The following LRTM3 variants were observed in gnomAD, a reference collection of about 807,000 sequenced individuals.
LRTM3 encodes the protein leucine-rich repeat transmembrane protein 3.
chr13:102,738,018 C>G, the LRTM3 span: 1 of 1,550,708 alleles, frequency 6.4e-7, no homozygotes, highest in Non-Finnish European at 8.7e-7. Flanking sequence ...TCTTCTCTAT[C>G]AACCTTTTCT....
At chr13:102,741,943 CT>C in the LRTM3 span, 1 of 1,550,466 alleles carries the variant, frequency 6.4e-7, no homozygotes, top group Non-Finnish European at 8.7e-7. Context: ...GTTTTTGTTC[CT>C]TTTCTCTAAT....
chr13:102,748,538 TG>T, the LRTM3 span: 1 of 1,550,814 alleles, frequency 6.4e-7, no homozygotes. Flanking sequence ...TTCTGAACTT[TG>T]TAGGTCCTCC....
the LRTM3 span, among the ~76,000 whole-genome samples, chr13:102,756,673 TAAAA>T: frequency 0.04 from 2,677 of 67,062 alleles, 79 homozygotes; most frequent in South Asian, 0.049. Context: ...AAACTCTGTC[TAAAA>T]AAAAAAAAAA....
chr13:102,747,336 C>A, the LRTM3 span: 1 of 1,550,034 alleles, frequency 6.5e-7, no homozygotes, highest in African/African-American at 1.4e-5. Context: ...ATTATAATTT[C>A]AAAATTGCCT....
the LRTM3 span, among the ~76,000 whole-genome samples, chr13:102,755,890 T>TAC: frequency 7.1e-6 from 1 of 140,356 alleles, no homozygotes; most frequent in African/African-American, 2.6e-5. Flanking sequence ...TATATATGTA[T>TAC]ACACATATAT....
chr13:102,741,533 TC>T, the LRTM3 span: 3 of 1,550,130 alleles, frequency 1.9e-6, no homozygotes, highest in Non-Finnish European at 2.6e-6. Context: ...GTACACATCT[TC>T]TTCCTCAGTT....
chr13:102,740,701 T>A, the LRTM3 span: 12 of 1,548,090 alleles, frequency 7.8e-6, no homozygotes, highest in Non-Finnish European at 1.0e-5. Flanking sequence ...ATAGATCTGT[T>A]TTGGAGTGAG....
chr13:102,745,759 G>C, the LRTM3 span: 1 of 1,551,110 alleles, frequency 6.4e-7, no homozygotes. Context: ...CATAAAATAT[G>C]ATTTCATCAA....
chr13:102,730,856 A>G, the LRTM3 span: 6 of 1,551,496 alleles, frequency 3.9e-6, no homozygotes, highest in South Asian at 4.8e-5. Context: ...ATCAAGATCT[A>G]TTTGATGGAG....
chr13:102,737,718 C>G, the LRTM3 span: 3 of 1,550,430 alleles, frequency 1.9e-6, no homozygotes, highest in South Asian at 3.6e-5. Context: ...TTTTGTACTT[C>G]ACTTGCGCTA....
chr13:102,731,984 A>G, the LRTM3 span: 1 of 1,551,102 alleles, frequency 6.4e-7, no homozygotes, highest in South Asian at 1.2e-5. Flanking sequence ...TTGTGCCTTT[A>G]AGTATTTTTT....
the LRTM3 span, chr13:102,750,110 T>C: frequency 6.4e-7 from 1 of 1,551,150 alleles, no homozygotes; most frequent in Non-Finnish European, 8.7e-7. Flanking sequence ...TGAAAATAAT[T>C]TCTTGGAGGA....
the LRTM3 span, among the ~76,000 whole-genome samples, chr13:102,758,251 G>C: frequency 1.4e-3 from 217 of 152,252 alleles, no homozygotes; most frequent in Admixed American, 2.6e-3. Context: ...AACACAGCTT[G>C]GAGCATAGCA....
the LRTM3 span, chr13:102,740,439 T>C: frequency 1.9e-6 from 3 of 1,550,192 alleles, no homozygotes; most frequent in South Asian, 1.2e-5. Context: ...TCCTGAGGCA[T>C]TAAATGTTGC....
chr13:102,740,418 A>G, the LRTM3 span: 30 of 1,550,074 alleles, frequency 1.9e-5, no homozygotes, highest in Admixed American at 9.8e-5. Context: ...CCTTCTGATA[A>G]TGCTTCCTTT....
At chr13:102,754,003 A>G in the LRTM3 span, among the ~76,000 whole-genome samples, 72 of 152,164 alleles carry the variant, frequency 4.7e-4, 1 homozygote, top group Admixed American at 1.4e-3. Flanking sequence ...TTGACATCGG[A>G]GTTTGAAACC....
chr13:102,730,218 T>A, the LRTM3 span: 1 of 1,551,366 alleles, frequency 6.4e-7, no homozygotes, highest in South Asian at 1.2e-5. Context: ...TCAGTCGTGA[T>A]TTTGTAGACA....
chr13:102,734,055 C>CTTGA, the LRTM3 span: 4 of 1,551,468 alleles, frequency 2.6e-6, no homozygotes, highest in Non-Finnish European at 3.5e-6. Flanking sequence ...CTTGACAGAA[C>CTTGA]CACACATGCT....
chr13:102,744,698 C>G, the LRTM3 span: 2 of 1,550,654 alleles, frequency 1.3e-6, no homozygotes, highest in African/African-American at 2.7e-5. Context: ...TTGACTATAG[C>G]ATGGAACTGA....
Sources: allele counts gnomAD v4.1 joint callset (sites outside exome capture counted in the v4.1 genomes callset), GRCh38; gene constraint gnomAD v4.1.1; transcripts MANE v1.5; gene names NCBI Gene and HGNC (gene_info 2026-07-23, HGNC 2026-07-21).